The following TMEM132C variants were observed in gnomAD, a reference collection of about 807,000 sequenced individuals.
TMEM132C encodes the protein transmembrane protein 132C.
TMEM132C carries 29 observed loss-of-function variants against 61.4 expected under a neutral mutation model. The ratio of observed to expected loss-of-function variants is 0.47; its 90% CI spans 0.35 to 0.64. TMEM132C has a LOEUF of 0.64. Ranked by LOEUF, TMEM132C falls within the 30% of genes least tolerant of loss-of-function variation. The probability of loss-of-function intolerance (pLI) is 0.00; values close to 1 mark genes in which losing one functional copy is unlikely to be tolerated. For synonymous variants in TMEM132C, 656 were observed against 633.1 expected, an observed-to-expected ratio of 1.04 and a Z score of -0.54; for missense variants, 1,408 against 1,476.9, an observed-to-expected ratio of 0.95 and a Z score of 0.76.
chr12:128,353,360 C>T lies in TMEM132C; in HGVS notation c.86-61372C>T, dbSNP rs546651818. 1.2e-4 allele frequency among the ~76,000 whole-genome samples: 19 copies of T among 152,252 alleles called. 1 individual carries two copies. The South Asian group carries it at 3.9e-3, about 32-fold the overall frequency. ...CCTGCCATCTAGGTTTGCAAGATGG[C>T]GCGGGACTTTCACAGAGAACAGAGG... On this transcript the variant is annotated intron_variant, in intron 1 of 8. Transcript: ENST00000435159.
At chr12:128,665,054 CAT>C (rs1593140372) in intron 4 of TMEM132C, among the ~76,000 whole-genome samples, 1 of 151,108 alleles carries the variant, frequency 6.6e-6, no homozygotes, top group Non-Finnish European at 1.5e-5. Flanking sequence ...CATATACACA[CAT>C]AAGCACTCTC....
At chr12:128,504,326 G>A (rs1046873095) in intron 2 of TMEM132C, among the ~76,000 whole-genome samples, 2 of 152,122 alleles carry the variant, frequency 1.3e-5, no homozygotes, top group African/African-American at 2.4e-5. Flanking sequence ...AGTTTCAAAG[G>A]GATGGAACAC....
chr12:128,307,962 C>T (rs1871839165), intron 1 of TMEM132C, among the ~76,000 whole-genome samples: 1 of 152,210 alleles, frequency 6.6e-6, no homozygotes, highest in African/African-American at 2.4e-5. Context: ...TAGGCCTGTC[C>T]AATGAGCGTG....
intron 2 of TMEM132C, among the ~76,000 whole-genome samples, chr12:128,542,435 A>G (rs1415171269): frequency 1.3e-5 from 2 of 152,126 alleles, no homozygotes; most frequent in East Asian, 3.9e-4. Context: ...CCTCCCGAGT[A>G]GCTGGGACTA....
chr12:128,697,218 C>G lies in TMEM132C; in HGVS notation c.1930-6C>G. ...GGATTTTCCTTGTGTCCTGCCAATCCCACAGGTGTTGTCTCCACTGTCTGA... is the reference window on the plus strand; with the variant it reads ...GGATTTTCCTTGTGTCCTGCCAATCGCACAGGTGTTGTCTCCACTGTCTGA... On this transcript the variant is annotated splice_region_variant and splice_polypyrimidine_tract_variant and intron_variant, in intron 7 of 8. Transcript: ENST00000435159. The G allele has an allele frequency of 6.7e-7, 1 of 1,498,880 alleles. No homozygotes were observed. The highest frequency in any genetic ancestry group is 9.0e-7 in the Non-Finnish European group (1 of 1,112,174). 92.8% of individuals were successfully genotyped at this position (1,498,880 alleles called of 1,614,324 possible). A position where few individuals can be genotyped will look rare whatever the true frequency, so the allele number is the denominator to read the frequency against.
At chr12:128,598,408 C>A (rs780122525) in intron 3 of TMEM132C, among the ~76,000 whole-genome samples, 4 of 152,112 alleles carry the variant, frequency 2.6e-5, no homozygotes, top group Non-Finnish European at 5.9e-5. Context: ...TGCACTCCAG[C>A]CAGAGCAACA....
intron 1 of TMEM132C, among the ~76,000 whole-genome samples, chr12:128,355,581 A>G (rs562077152): frequency 6.6e-6 from 1 of 151,932 alleles, no homozygotes; most frequent in South Asian, 2.1e-4. Context: ...CATGGCTCCC[A>G]TCTTATTCAG....
intron 2 of TMEM132C, among the ~76,000 whole-genome samples, chr12:128,432,999 CAAAA>C (rs1248975035): frequency 3.1e-5 from 3 of 96,876 alleles, no homozygotes; most frequent in Admixed American, 1.6e-4. Context: ...CTCCACCAGC[CAAAA>C]AATAAATAAA....
At chr12:128,418,472 C>T (rs1051679941) in intron 2 of TMEM132C, among the ~76,000 whole-genome samples, 1 of 152,170 alleles carries the variant, frequency 6.6e-6, no homozygotes, top group Non-Finnish European at 1.5e-5. Context: ...CCTTAATCTC[C>T]CTCTTTCTCT....
intron 1 of TMEM132C, among the ~76,000 whole-genome samples, chr12:128,394,264 A>G (rs1281580030): frequency 6.6e-6 from 1 of 152,134 alleles, no homozygotes; most frequent in African/African-American, 2.4e-5. Flanking sequence ...CCCCAACAAC[A>G]TATGGAAATT....
intron 8 of TMEM132C, among the ~76,000 whole-genome samples, chr12:128,702,897 G>T (rs145578038): frequency 6.0e-4 from 92 of 152,328 alleles, no homozygotes; most frequent in African/African-American, 2.1e-3. Flanking sequence ...CAAAGGTCCA[G>T]GAAGGCCACG....
intron 3 of TMEM132C, among the ~76,000 whole-genome samples, chr12:128,553,575 T>A (rs1415327281): frequency 6.6e-6 from 1 of 152,230 alleles, no homozygotes; most frequent in Admixed American, 6.5e-5. Flanking sequence ...TGGATGGACC[T>A]GAATTTATTT....
intron 4 of TMEM132C, among the ~76,000 whole-genome samples, chr12:128,650,164 G>A (rs1954253506): frequency 6.6e-6 from 1 of 152,212 alleles, no homozygotes; most frequent in African/African-American, 2.4e-5. Context: ...GAAACTCAGA[G>A]TGCAGTAGGG....
intron 2 of TMEM132C, among the ~76,000 whole-genome samples, chr12:128,484,364 A>G (rs1164561874): frequency 3.3e-5 from 5 of 152,164 alleles, no homozygotes; most frequent in Non-Finnish European, 7.3e-5. Context: ...CTCCAGTGAG[A>G]GGAAGGAGGG....
At chr12:128,329,262 T>C (rs1011318284) in intron 1 of TMEM132C, among the ~76,000 whole-genome samples, 1 of 152,180 alleles carries the variant, frequency 6.6e-6, no homozygotes, top group Non-Finnish European at 1.5e-5. Context: ...ATTAGCATAG[T>C]TGGATTTTTT....
chr12:128,496,250 T>C (rs1159367649), intron 2 of TMEM132C, among the ~76,000 whole-genome samples: 1 of 152,176 alleles, frequency 6.6e-6, no homozygotes, highest in Non-Finnish European at 1.5e-5. Context: ...ACCTTTCTCT[T>C]TGGCTGCACT....
chr12:128,394,588 C>T (rs1874878529), intron 1 of TMEM132C, among the ~76,000 whole-genome samples: 3 of 152,230 alleles, frequency 2.0e-5, no homozygotes. Flanking sequence ...CATCTAGTGA[C>T]TCCTTCTTGT....
chr12:128,445,382 A>C (rs886118932), intron 2 of TMEM132C, among the ~76,000 whole-genome samples: 1 of 152,170 alleles, frequency 6.6e-6, no homozygotes, highest in Non-Finnish European at 1.5e-5. Flanking sequence ...GTGTACTCTT[A>C]GCTTGCTGCT....
intron 6 of TMEM132C, 31 bp from the exon 7 acceptor site, chr12:128,695,799 G>T (rs1954756432): frequency 6.6e-7 from 1 of 1,512,990 alleles, no homozygotes; most frequent in Non-Finnish European, 8.9e-7. Context: ...CCTCTCCCTG[G>T]ATCTGAGAGC....
Sources: allele counts gnomAD v4.1 joint callset (sites outside exome capture counted in the v4.1 genomes callset), GRCh38; gene constraint gnomAD v4.1.1; transcripts MANE v1.5; gene names NCBI Gene and HGNC (gene_info 2026-07-23, HGNC 2026-07-21).